CNTN1: variants seen among roughly 807,000 people sequenced by gnomAD.
CNTN1 encodes the protein contactin 1.
Under a neutral mutation model 126.4 loss-of-function variants are expected in CNTN1, and 38 were observed. That is an observed-to-expected ratio of 0.30 (90% CI 0.23 to 0.39). CNTN1 has a LOEUF of 0.39. CNTN1 is among the 10% of genes least tolerant of loss of function. CNTN1 has a pLI of 1.00. For missense variants in CNTN1, 1,009 were observed against 1,248.4 expected (o/e 0.81, Z 2.89); for synonymous variants, 413 against 422.6 (o/e 0.98, Z 0.28).
At chr12:40,987,132 A>G (rs1005157541) in intron 16 of CNTN1, among the ~76,000 whole-genome samples, 54 of 152,162 alleles carry the variant, frequency 3.5e-4, no homozygotes, top group African/African-American at 1.2e-3. Flanking sequence ...GAAGTGAAAA[A>G]TATTTTCTGC....
chr12:40,870,653 A>G (rs1455082039), intron 1 of CNTN1, among the ~76,000 whole-genome samples: 1 of 152,158 alleles, frequency 6.6e-6, no homozygotes, highest in Non-Finnish European at 1.5e-5. Context: ...TGGTAGGGAA[A>G]GGTTATGGGT....
chr12:40,721,256 G>A (rs1445046011), intron 1 of CNTN1, among the ~76,000 whole-genome samples: 1 of 151,928 alleles, frequency 6.6e-6, no homozygotes, highest in Non-Finnish European at 1.5e-5. Context: ...GTGCCAGTTT[G>A]TCATGTTTCT....
At chr12:40,729,652 T>C in intron 1 of CNTN1, 1 of 218,128 alleles carries the variant, frequency 4.6e-6, no homozygotes. Context: ...ACAAACTTTT[T>C]CATACAGCTC....
intron 1 of CNTN1, among the ~76,000 whole-genome samples, chr12:40,779,526 C>T (rs925320326): frequency 4.6e-5 from 7 of 151,816 alleles, no homozygotes; most frequent in Non-Finnish European, 7.4e-5. Context: ...TTGAGCTTTC[C>T]GAAGTCCTAA....
chr12:40,845,958 C>T (rs55967949), intron 1 of CNTN1, among the ~76,000 whole-genome samples: 2,830 of 152,084 alleles, frequency 0.019, 27 homozygotes, highest in African/African-American at 0.024. Context: ...AAATGATTAC[C>T]GACAGATTGA....
intron 14 of CNTN1, among the ~76,000 whole-genome samples, chr12:40,957,405 A>G (rs1407808992): frequency 2.0e-5 from 3 of 150,522 alleles, no homozygotes; most frequent in African/African-American, 7.3e-5. Flanking sequence ...TAAAAACAGA[A>G]TTATGCAGTG....
chr12:40,985,850 T>C (rs1385534480), intron 16 of CNTN1, among the ~76,000 whole-genome samples: 1 of 151,986 alleles, frequency 6.6e-6, no homozygotes, highest in Non-Finnish European at 1.5e-5. Flanking sequence ...TAATGGACAG[T>C]GTGTGTGTGT....
intron 1 of CNTN1, among the ~76,000 whole-genome samples, chr12:40,868,686 T>C (rs1165517521): frequency 6.6e-6 from 1 of 152,110 alleles, no homozygotes; most frequent in African/African-American, 2.4e-5. Flanking sequence ...AGGTTGCCAT[T>C]GATCCTGTGG....
At chr12:40,765,282 G>A (rs10879146) in intron 1 of CNTN1, among the ~76,000 whole-genome samples, 2 of 151,856 alleles carry the variant, frequency 1.3e-5, no homozygotes, top group African/African-American at 4.8e-5. Context: ...GAACAGGTTC[G>A]AGTAATATGT....
At chr12:40,741,208 A>G (rs1183683797) in intron 1 of CNTN1, among the ~76,000 whole-genome samples, 1 of 152,158 alleles carries the variant, frequency 6.6e-6, no homozygotes, top group East Asian at 1.9e-4. Flanking sequence ...TTCCTGGGAT[A>G]GCAAGCTGGA....
At chr12:41,069,211 T>A (rs1950111508) in intron 23 of CNTN1, among the ~76,000 whole-genome samples, 2 of 152,190 alleles carry the variant, frequency 1.3e-5, no homozygotes, top group Admixed American at 1.3e-4. Context: ...TAATACATCA[T>A]TTCAATTTTT....
chr12:40,898,789 C>G (rs751783255), intron 1 of CNTN1, among the ~76,000 whole-genome samples: 1 of 152,140 alleles, frequency 6.6e-6, no homozygotes, highest in African/African-American at 2.4e-5. Flanking sequence ...GGGGTGGTCT[C>G]GTGTCAGAAG....
At chr12:40,716,898 A>G (rs1290075548) in intron 1 of CNTN1, among the ~76,000 whole-genome samples, 1 of 152,206 alleles carries the variant, frequency 6.6e-6, no homozygotes, top group Non-Finnish European at 1.5e-5. Context: ...TATATTAACA[A>G]CACTTTAAAG....
chr12:40,893,078 A>G (rs2136736536), intron 1 of CNTN1, among the ~76,000 whole-genome samples: 1 of 152,210 alleles, frequency 6.6e-6, no homozygotes, highest in Admixed American at 6.5e-5. Context: ...AAACTTAAAT[A>G]AAGAATGTAT....
At chr12:41,066,449 A>G (rs1490426910) in intron 23 of CNTN1, among the ~76,000 whole-genome samples, 1 of 152,196 alleles carries the variant, frequency 6.6e-6, no homozygotes, top group African/African-American at 2.4e-5. Flanking sequence ...TAACTCAATC[A>G]TTTAACATTA....
At chr12:40,920,831 T>C (rs1461105478) in intron 4 of CNTN1, among the ~76,000 whole-genome samples, 1 of 152,230 alleles carries the variant, frequency 6.6e-6, no homozygotes, top group Non-Finnish European at 1.5e-5. Flanking sequence ...CAATAGTCTA[T>C]GTTTCTGAAA....
intron 16 of CNTN1, among the ~76,000 whole-genome samples, chr12:40,982,528 A>C (rs1419717892): frequency 6.6e-6 from 1 of 152,184 alleles, no homozygotes; most frequent in Non-Finnish European, 1.5e-5. Flanking sequence ...TAAAATATCC[A>C]CTAGAAAGTA....
chr12:40,768,294 G>A (rs535060409), intron 1 of CNTN1, among the ~76,000 whole-genome samples: 20 of 152,250 alleles, frequency 1.3e-4, no homozygotes, highest in African/African-American at 4.6e-4. Context: ...AGGGTTGAGG[G>A]GCCCTCAAGT....
intron 1 of CNTN1, among the ~76,000 whole-genome samples, chr12:40,784,409 A>G (rs946512562): frequency 6.6e-6 from 1 of 152,166 alleles, no homozygotes; most frequent in African/African-American, 2.4e-5. Flanking sequence ...AGGCAATGCA[A>G]TGAGTCACTT....
Sources: gnomAD v4.1 joint callset for allele counts (sites outside exome capture counted in the v4.1 genomes callset) on GRCh38, gnomAD v4.1.1 for gene constraint, MANE v1.5 for transcripts, NCBI Gene and HGNC (gene_info 2026-07-23, HGNC 2026-07-21) for gene names.